Variants in ARHGAP36 observed in about 807,000 individuals in gnomAD.
The protein encoded by ARHGAP36 is rho GTPase-activating protein 36.
A neutral mutation model predicts 32.9 loss-of-function variants in ARHGAP36; 7 were observed. The ratio of observed to expected loss-of-function variants is 0.21; its 90% CI spans 0.12 to 0.40. The LOEUF is 0.40. ARHGAP36 is among the 10% of genes least tolerant of loss of function. The probability of loss-of-function intolerance (pLI) is 1.00; values close to 1 mark genes in which losing one functional copy is unlikely to be tolerated. For missense variants in ARHGAP36, 383 were observed against 442.2 expected, an observed-to-expected ratio of 0.87 and a Z score of 1.20; for synonymous variants, 165 against 168.3, an observed-to-expected ratio of 0.98 and a Z score of 0.15.
chrX:131,080,068 C>T (rs2079787289), intron 1 of ARHGAP36, among the ~76,000 whole-genome samples: 1 of 111,912 alleles, frequency 8.9e-6, no homozygotes. Context: ...ATCTTTCACT[C>T]CCTGCCTAAA....
At chrX:131,061,657 C>A (rs1322882289) in intron 1 of ARHGAP36, among the ~76,000 whole-genome samples, 1 of 111,471 alleles carries the variant, frequency 9.0e-6, no homozygotes, top group South Asian at 3.8e-4. Context: ...AAAGCTGGGG[C>A]GTGACTGCCA....
chrX:131,071,284 A>G (rs941916196), intron 1 of ARHGAP36, among the ~76,000 whole-genome samples: 4 of 110,864 alleles, frequency 3.6e-5, no homozygotes, highest in Non-Finnish European at 5.7e-5. Flanking sequence ...CCCTCTACTT[A>G]CCTGGTGCTC....
At chrX:131,078,804 T>A (rs1040003113) in intron 1 of ARHGAP36, 10 of 898,867 alleles carry the variant, frequency 1.1e-5, no homozygotes, top group Non-Finnish European at 1.5e-5. Context: ...TAACTGCTCT[T>A]AAGTTTAGCC....
intron 7 of ARHGAP36, 133 bp downstream of exon 7, chrX:131,085,197 C>A: frequency 1.7e-6 from 1 of 590,482 alleles, no homozygotes; most frequent in Non-Finnish European, 2.4e-6. Flanking sequence ...ATTTTAAAAA[C>A]CTCTCCAGAA....
chrX:131,075,621 A>ATGTGTGTGTGTGTG (rs764591310), intron 1 of ARHGAP36, among the ~76,000 whole-genome samples: 1 of 28,379 alleles, frequency 3.5e-5, no homozygotes, highest in African/African-American at 1.1e-4. Context: ...GTGTGTATAT[A>ATGTGTGTGTGTGTG]TATGTGTGTG....
chrX:131,079,352 G>C (rs929693296), intron 1 of ARHGAP36, among the ~76,000 whole-genome samples: 3 of 111,449 alleles, frequency 2.7e-5, no homozygotes, highest in African/African-American at 9.8e-5. Context: ...CCAGGGGATG[G>C]AGCTTTGCAG....
intron 1 of ARHGAP36, among the ~76,000 whole-genome samples, chrX:131,072,295 A>G (rs143688734): frequency 0.027 from 2,971 of 112,060 alleles, 101 homozygotes; most frequent in African/African-American, 0.091. Flanking sequence ...TGACCTTTTT[A>G]TCTCTGAGTT....
chrX:131,085,992 A>C lies in ARHGAP36; in HGVS notation c.1184A>C (p.Lys395Thr), dbSNP rs773106761. The C allele has an allele frequency of 3.3e-6, 4 of 1,211,640 alleles. No individual in the cohort carries two copies. Among genetic ancestry groups the C allele is most frequent in the Non-Finnish European group, 4.5e-6 (4 of 895,356 alleles). Residue 395 changes from lysine (K) to threonine (T), a missense_variant, in exon 9 of 12, where the codon AAG becomes ACG. By Grantham distance (78) the Lys-to-Thr change is moderately conservative. Coordinates refer to ENST00000276211, the MANE Select transcript of ARHGAP36 (RefSeq NM_144967.4). ...SALLKKGKFG[K>T]RESRKTKLGI... The stretch of plus-strand genomic sequence containing the variant: ...CTCCTGAAAAAAGGAAAGTTTGGCA[A>C]GAGAGAGTCCAGGAAAACAAAGCTG...
chrX:131,081,703 C>T lies in ARHGAP36; in HGVS notation c.38C>T (p.Ala13Val), dbSNP rs757824266. 2.4e-5 allele frequency: 29 copies of T among 1,208,691 alleles called. No homozygotes were observed. Among genetic ancestry groups the T allele is most frequent in the Non-Finnish European group, 3.0e-5 (27 of 894,963 alleles). The change falls in exon 2 of 12, where the codon GCA (alanine) becomes GTA (valine). Residue 13 changes from alanine to valine, a missense_variant. Physicochemically the swap from Ala to Val is moderately conservative, Grantham distance 64 (BLOSUM62 0). Coordinates refer to ENST00000276211, the MANE Select transcript of ARHGAP36 (RefSeq NM_144967.4). Reference sequence around the variant, plus strand: ...ATTCCTTTTCTGAAGGCAGCAAGGGCACTGTGCCCCAGAATCATGCCCCCT... The same window carrying T: ...ATTCCTTTTCTGAAGGCAGCAAGGGTACTGTGCCCCAGAATCATGCCCCCT... ...GCIPFLKAAR[A>V]LCPRIMPPLL...
intron 7 of ARHGAP36, 52 bp from the exon 8 acceptor site, chrX:131,085,536 G>C (rs2079830328): frequency 5.1e-6 from 6 of 1,173,271 alleles, no homozygotes; most frequent in Non-Finnish European, 6.8e-6. Flanking sequence ...CTTGGTATCA[G>C]TCTGCAGCCA....
At chrX:131,085,087 T>C in intron 7 of ARHGAP36, 23 bp downstream of exon 7, 5 of 1,197,006 alleles carry the variant, frequency 4.2e-6, no homozygotes, top group Non-Finnish European at 5.6e-6. Context: ...ACCTCCCTAG[T>C]AGGGCAAGGA....
intron 5 of ARHGAP36, 85 bp from the exon 6 acceptor site, chrX:131,084,541 G>A (rs996757932): frequency 8.7e-6 from 10 of 1,148,690 alleles, no homozygotes; most frequent in Non-Finnish European, 1.2e-5. Context: ...TGGAGGTCGC[G>A]ATGCAGTAGG....
At chrX:131,065,654 C>T (rs1472170540) in intron 1 of ARHGAP36, among the ~76,000 whole-genome samples, 2 of 111,168 alleles carry the variant, frequency 1.8e-5, no homozygotes, top group South Asian at 3.9e-4. Flanking sequence ...GTAAGACTGA[C>T]GTATTTAGGC....
chrX:131,059,104 T>C (rs907620245), intron 1 of ARHGAP36, among the ~76,000 whole-genome samples: 3 of 111,896 alleles, frequency 2.7e-5, no homozygotes, highest in Non-Finnish European at 5.6e-5. Context: ...GTACTTGAGA[T>C]CAATGCTTGG....
rs199820681 is a variant in ARHGAP36, at chrX:131,081,967, C to T, written c.253+49C>T. 182 of 1,188,533 alleles carry T rather than the reference C, an allele frequency of 1.5e-4. No individual in the cohort carries two copies. In the Middle Eastern group the frequency reaches 1.9e-3, roughly 12 times the overall value. ...CATCCTCGCCTTCGGGAGAGTGGAC[C>T]CTCCGGGCAGGACGGGGCGGATTAG... On this transcript the variant is annotated intron_variant, in intron 2 of 11. Transcript: ENST00000276211.
chrX:131,076,109 C>A (rs1249218140), intron 1 of ARHGAP36, among the ~76,000 whole-genome samples: 1 of 111,951 alleles, frequency 8.9e-6, no homozygotes, highest in Admixed American at 9.5e-5. Context: ...TCGACAAACA[C>A]TTATTGAACA....
chrX:131,061,925 C>T (rs1289380865), intron 1 of ARHGAP36, among the ~76,000 whole-genome samples: 1 of 112,358 alleles, frequency 8.9e-6, no homozygotes, highest in African/African-American at 3.2e-5. Flanking sequence ...AGCAGTAGAG[C>T]TGACATTTAT....
chrX:131,086,313 C>A lies in ARHGAP36; in HGVS notation c.1282-16C>A. On this transcript the variant is annotated splice_polypyrimidine_tract_variant and intron_variant, in intron 9 of 11. Transcript: ENST00000276211. ...TGCTGTGTAATGATGGCTAATGTTG[C>A]TAATTCTACCCTCAGGTGCCTCCCC... The A allele has an allele frequency of 8.3e-7, 1 of 1,207,512 alleles. No individual in the cohort carries two copies. The highest frequency in any genetic ancestry group is 1.1e-6 in the Non-Finnish European group (1 of 891,754).
chrX:131,083,265 A>C, intron 3 of ARHGAP36, 35 bp downstream of exon 3: 1 of 1,169,069 alleles, frequency 8.6e-7, no homozygotes, highest in South Asian at 1.9e-5. Flanking sequence ...TAGAAAAGAA[A>C]TAGAATGCTA....
Sources: allele counts gnomAD v4.1 joint callset (sites outside exome capture counted in the v4.1 genomes callset), GRCh38; gene constraint gnomAD v4.1.1; transcripts MANE v1.5; gene names NCBI Gene and HGNC (gene_info 2026-07-23, HGNC 2026-07-21).